The following ARHGEF3 variants were observed in gnomAD, a reference collection of about 807,000 sequenced individuals.
The protein encoded by ARHGEF3 is 59.8 kDA protein.
A neutral mutation model predicts 63.2 loss-of-function variants in ARHGEF3; 28 were observed. That is an observed-to-expected ratio of 0.44 (90% CI 0.33 to 0.61). The LOEUF (loss-of-function observed/expected upper bound fraction) is 0.61. ARHGEF3 is among the 20% of genes least tolerant of loss of function. The pLI, the probability that ARHGEF3 is intolerant of heterozygous loss-of-function variation, is 0.03. For synonymous variants in ARHGEF3, 266 were observed against 254.2 expected (o/e 1.05, Z -0.44); for missense variants, 533 against 659.3 (o/e 0.81, Z 2.10).
At chr3:56,736,049 A>AACACACACACACACAC (rs10530565) in intron 8 of ARHGEF3, among the ~76,000 whole-genome samples, 47 of 147,180 alleles carry the variant, frequency 3.2e-4, no homozygotes, top group African/African-American at 1.1e-3. Context: ...CAGAAATTTA[A>AACACACACACACACAC]ACACACACAC....
intron 3 of ARHGEF3, among the ~76,000 whole-genome samples, chr3:56,926,087 C>T (rs1245324324): frequency 6.6e-6 from 1 of 152,236 alleles, no homozygotes; most frequent in South Asian, 2.1e-4. Flanking sequence ...CTGGTTCCCA[C>T]AGCCTCGAAG....
At chr3:56,971,507 G>C (rs938778277) in intron 2 of ARHGEF3, among the ~76,000 whole-genome samples, 1 of 152,112 alleles carries the variant, frequency 6.6e-6, no homozygotes, top group African/African-American at 2.4e-5. Context: ...GATTTAATGA[G>C]AGATGGACAG....
chr3:56,758,258 G>A (rs1382356153), intron 2 of ARHGEF3, among the ~76,000 whole-genome samples: 31 of 150,948 alleles, frequency 2.1e-4, no homozygotes, highest in African/African-American at 7.5e-4. Flanking sequence ...TCCAGCCTGG[G>A]CGACAGAGCA....
At chr3:56,753,709 A>G (rs993156104) in intron 3 of ARHGEF3, 143 bp from the exon 4 acceptor site, 5 of 695,522 alleles carry the variant, frequency 7.2e-6, no homozygotes, top group African/African-American at 7.2e-5. Flanking sequence ...AAATGCATCT[A>G]TGCTTAAACC....
intron 2 of ARHGEF3, among the ~76,000 whole-genome samples, chr3:57,019,170 A>G (rs554634945): frequency 1.3e-5 from 2 of 152,296 alleles, no homozygotes; most frequent in Non-Finnish European, 2.9e-5. Flanking sequence ...TTATCTCTCT[A>G]GACCTTGGTT....
intron 2 of ARHGEF3, among the ~76,000 whole-genome samples, chr3:57,031,690 A>C (rs1452765635): frequency 6.6e-6 from 1 of 152,222 alleles, no homozygotes; most frequent in Non-Finnish European, 1.5e-5. Context: ...TCAATGGGCT[A>C]GTTTTCTGCA....
At position 56,745,264 on chromosome 3, in the gene ARHGEF3, G is replaced by A; in HGVS notation, c.811C>T (p.Arg271Ter). Residue 271 changes from arginine (R) to a stop codon, truncating the protein, a stop_gained, in exon 7 of 10, where the codon CGA becomes TGA. Transcript: ENST00000296315. LOFTEE classifies it high-confidence loss of function. ...TTTGGTGTGTGCCTCAAGATTTCTC[G>A]GAGAAGCAGAGGGTATTTTACCAGG... ...SRLVKYPLLL[R>*]EILRHTPNDN... The A allele has an allele frequency of 1.2e-6, 2 of 1,613,974 alleles. No homozygotes were observed. Among genetic ancestry groups the A allele is most frequent in the Non-Finnish European group, 1.7e-6 (2 of 1,180,012 alleles).
chr3:56,971,135 C>A (rs1700891449), intron 2 of ARHGEF3, among the ~76,000 whole-genome samples: 1 of 152,162 alleles, frequency 6.6e-6, no homozygotes, highest in African/African-American at 2.4e-5. Flanking sequence ...AGAATGAATT[C>A]ATGGTGCGGC....
intron 6 of ARHGEF3, among the ~76,000 whole-genome samples, chr3:56,746,554 A>G (rs2034396019): frequency 6.6e-6 from 1 of 151,850 alleles, no homozygotes; most frequent in Admixed American, 6.6e-5. Context: ...GCATGGTGAA[A>G]CCCCATCTCT....
At chr3:56,903,113 C>T (rs1313076238) in intron 3 of ARHGEF3, among the ~76,000 whole-genome samples, 1 of 151,768 alleles carries the variant, frequency 6.6e-6, no homozygotes, top group Non-Finnish European at 1.5e-5. Flanking sequence ...GAGAACGAAC[C>T]CCAAGTTTCC....
rs572724635 is a variant in ARHGEF3, at chr3:56,993,127, G to A, written c.63-34238C>T. ...TGGAATTACAGGTGTGAGCTACCGC[G>A]CCTGGCCTCAAGGAAGCTTTTTAAA... On this transcript the variant is annotated intron_variant, in intron 2 of 12. Coordinates refer to the ARHGEF3 transcript ENST00000338458. Among the ~76,000 whole-genome samples the A allele has an allele frequency of 2.6e-5, 4 of 152,246 alleles. No homozygotes were observed. The East Asian group carries it at 5.8e-4, about 22-fold the overall frequency.
At position 56,917,401 on chromosome 3, in the gene ARHGEF3, G is replaced by T. The variant is rs181149158; in HGVS notation, c.130-35047C>A. On this transcript the variant is annotated intron_variant, in intron 3 of 12. Transcript: ENST00000338458. ...TTAAGATTTAGCCCAGGGTTTCCTG[G>T]GGCCTTCTTACAAATGCACGGATTT... 4.9e-4 allele frequency among the ~76,000 whole-genome samples: 75 copies of T among 152,194 alleles called. 2 individuals carry two copies. The highest frequency in any genetic ancestry group is 4.8e-3 in the Admixed American group (73 of 15,302).
At chr3:56,877,642 G>A (rs2040632048) in intron 4 of ARHGEF3, among the ~76,000 whole-genome samples, 1 of 151,876 alleles carries the variant, frequency 6.6e-6, no homozygotes, top group Admixed American at 6.6e-5. Flanking sequence ...CAAAGTGCTG[G>A]GATTATAGGC....
chr3:56,752,168 G>A (rs1037656265), intron 4 of ARHGEF3, among the ~76,000 whole-genome samples: 4 of 149,974 alleles, frequency 2.7e-5, no homozygotes, highest in African/African-American at 4.9e-5. Flanking sequence ...TGATCTGCCC[G>A]CCTCGGCCTC....
chr3:57,007,035 C>T (rs1371585504), intron 2 of ARHGEF3: 4 of 664,602 alleles, frequency 6.0e-6, no homozygotes, highest in Non-Finnish European at 6.2e-6. Context: ...GCTCCTGGGG[C>T]GATGGTCACA....
intron 4 of ARHGEF3, among the ~76,000 whole-genome samples, chr3:56,827,546 A>G (rs2038768246): frequency 6.6e-6 from 1 of 152,002 alleles, no homozygotes; most frequent in African/African-American, 2.4e-5. Flanking sequence ...ACATGAATGC[A>G]CTCAGTGACA....
At chr3:57,035,030 T>A (rs1420366606) in intron 2 of ARHGEF3, 31 of 1,377,100 alleles carry the variant, frequency 2.3e-5, no homozygotes, top group Non-Finnish European at 2.8e-5. Context: ...TTTCATTTAA[T>A]TGTTGCATAC....
chr3:56,933,483 G>A (rs575815284), intron 3 of ARHGEF3, among the ~76,000 whole-genome samples: 4 of 150,138 alleles, frequency 2.7e-5, no homozygotes, highest in African/African-American at 7.4e-5. Context: ...GCAGTGACAC[G>A]ATCACAGATC....
chr3:56,924,330 G>A (rs6792170), intron 3 of ARHGEF3, among the ~76,000 whole-genome samples: 91,144 of 152,000 alleles, frequency 0.6, 27,505 homozygotes, highest in East Asian at 0.68. Context: ...AAGCACCACT[G>A]CCTATTAGAT....
Sources: gnomAD v4.1 joint callset for allele counts (sites outside exome capture counted in the v4.1 genomes callset) on GRCh38, gnomAD v4.1.1 for gene constraint, MANE v1.5 for transcripts, NCBI Gene and HGNC (gene_info 2026-07-23, HGNC 2026-07-21) for gene names.